The following ITGA9 variants were observed in gnomAD, a reference collection of about 807,000 sequenced individuals.
ITGA9 encodes integrin alpha-9.
A neutral mutation model predicts 127.8 loss-of-function variants in ITGA9; 56 were observed. The observed-to-expected ratio is 0.44, with a 90% CI of 0.35 to 0.55. The LOEUF (loss-of-function observed/expected upper bound fraction) is 0.55. Among genes scored for constraint, ITGA9 ranks in the 20% least tolerant of loss-of-function variants. The pLI is 0.00. For synonymous variants in ITGA9, 508 were observed against 514.5 expected (o/e 0.99, Z 0.17); for missense variants, 1,196 against 1,347.1 (o/e 0.89, Z 1.76).
chr3:37,481,933 C>G (rs1698560182), intron 4 of ITGA9, among the ~76,000 whole-genome samples: 2 of 152,200 alleles, frequency 1.3e-5, no homozygotes, highest in African/African-American at 4.8e-5. Context: ...CCTTGGTTTT[C>G]TGGTAATGCC....
Position 37,503,333 on chromosome 3 carries a change from A to T in ITGA9, c.742+26A>T, listed in dbSNP as rs768469283. On this transcript the variant is annotated intron_variant, in intron 6 of 27. Coordinates refer to ENST00000264741, the MANE Select transcript of ITGA9 (RefSeq NM_002207.3). ...GTGAGTACTCAGGGAGAGAACAGGT[A>T]AGAAAGGGGAAATGGGAGTGATTCC... 20 of 1,612,690 alleles carry T rather than the reference A, an allele frequency of 1.2e-5. No individual in the cohort carries two copies. In the South Asian group the frequency reaches 2.2e-4, roughly 18 times the overall value.
intron 1 of ITGA9, among the ~76,000 whole-genome samples, chr3:37,458,769 A>G (rs1255277054): frequency 1.3e-5 from 2 of 152,202 alleles, no homozygotes; most frequent in African/African-American, 4.8e-5. Context: ...GACTGACAGT[A>G]GGGCCATTGG....
chr3:37,780,091 T>C, intron 25 of ITGA9, 70 bp downstream of exon 25: 1 of 1,583,746 alleles, frequency 6.3e-7, no homozygotes, highest in Non-Finnish European at 8.6e-7. Context: ...TGATTTTGGG[T>C]AAAAAAAAGG....
intron 17 of ITGA9, among the ~76,000 whole-genome samples, chr3:37,676,887 T>G (rs549567307): frequency 6.6e-6 from 1 of 152,324 alleles, no homozygotes; most frequent in Non-Finnish European, 1.5e-5. Flanking sequence ...CTGATCATGT[T>G]TATTTTTCTC....
chr3:37,553,584 A>C (rs957422386), intron 15 of ITGA9, among the ~76,000 whole-genome samples: 1 of 152,030 alleles, frequency 6.6e-6, no homozygotes, highest in African/African-American at 2.4e-5. Flanking sequence ...TGTATTTTTA[A>C]CTCCTCCTTT....
intron 18 of ITGA9, among the ~76,000 whole-genome samples, chr3:37,695,864 C>T (rs1186483771): frequency 6.6e-6 from 1 of 152,226 alleles, no homozygotes; most frequent in East Asian, 1.9e-4. Context: ...ATGGGCATTT[C>T]AGGGCTAGTA....
intron 1 of ITGA9, among the ~76,000 whole-genome samples, chr3:37,470,037 T>A (rs1301127415): frequency 2.0e-5 from 3 of 152,154 alleles, no homozygotes; most frequent in Non-Finnish European, 4.4e-5. Flanking sequence ...GCTCAGGCAG[T>A]CTGCCCACCT....
At chr3:37,689,204 A>G (rs1464351355) in intron 18 of ITGA9, among the ~76,000 whole-genome samples, 1 of 152,236 alleles carries the variant, frequency 6.6e-6, no homozygotes. Context: ...ACTGAATACA[A>G]AATATCCCCT....
intron 1 of ITGA9, among the ~76,000 whole-genome samples, chr3:37,453,876 C>T (rs1333361722): frequency 6.6e-6 from 1 of 152,222 alleles, no homozygotes; most frequent in Non-Finnish European, 1.5e-5. Context: ...TCAAAGCCCT[C>T]ACATAGCTCT....
chr3:37,737,624 G>T (rs1190608683), intron 20 of ITGA9, among the ~76,000 whole-genome samples: 1 of 152,210 alleles, frequency 6.6e-6, no homozygotes, highest in African/African-American at 2.4e-5. Context: ...GGCAGATCCA[G>T]CATGCCTTGA....
chr3:37,782,902 G>A (rs768693329), intron 25 of ITGA9, among the ~76,000 whole-genome samples: 1 of 152,208 alleles, frequency 6.6e-6, no homozygotes, highest in Admixed American at 6.5e-5. Context: ...CACTTTGGGA[G>A]GCTGAGGTGG....
chr3:37,603,886 T>C (rs540798844), intron 15 of ITGA9, among the ~76,000 whole-genome samples: 25 of 152,334 alleles, frequency 1.6e-4, no homozygotes, highest in African/African-American at 6.0e-4. Flanking sequence ...TTTTGTCTTG[T>C]TGGGCTGGGG....
At chr3:37,702,588 A>G (rs962524096) in intron 18 of ITGA9, among the ~76,000 whole-genome samples, 3 of 150,884 alleles carry the variant, frequency 2.0e-5, no homozygotes, top group Non-Finnish European at 3.0e-5. Flanking sequence ...CTCTAAAGGG[A>G]AAAAAAAATG....
At chr3:37,693,804 A>G (rs995353104) in intron 18 of ITGA9, among the ~76,000 whole-genome samples, 1 of 152,192 alleles carries the variant, frequency 6.6e-6, no homozygotes, top group Non-Finnish European at 1.5e-5. Flanking sequence ...CAGTGCTGGG[A>G]CAGATTACAG....
At position 37,736,989 on chromosome 3, in the gene ITGA9, G is replaced by C. The variant is rs112785572; in HGVS notation, c.2234+6G>C. ...TTCATTGTTACTGCTCAGAGGTAAG[G>C]GGGGGGTTTAAACACTTTTTTCAAA... is the stretch of plus-strand genomic sequence containing the variant. On this transcript the variant is annotated splice_donor_region_variant and intron_variant, in intron 20 of 27. Transcript: ENST00000264741. 6.3e-6 allele frequency: 10 copies of C among 1,593,014 alleles called. No individual in the cohort carries two copies. The highest frequency in any genetic ancestry group is 3.3e-5 in the Admixed American group (2 of 59,986).
chr3:37,810,098 C>A (rs1346878279), intron 27 of ITGA9, among the ~76,000 whole-genome samples: 3 of 152,200 alleles, frequency 2.0e-5, no homozygotes, highest in Admixed American at 6.5e-5. Context: ...CTTTACAGAA[C>A]CGTGGCTCTT....
At chr3:37,659,486 T>G in intron 17 of ITGA9, among the ~76,000 whole-genome samples, 1 of 152,002 alleles carries the variant, frequency 6.6e-6, no homozygotes, top group East Asian at 1.9e-4. Context: ...TTGATACTTG[T>G]GTATGCTTCA....
Position 37,471,032 on chromosome 3 carries a change from G to A in ITGA9, c.211G>A (p.Asp71Asn). Reference sequence around the variant, plus strand: ...GGTCCTTGTGGGCGCACCAAAGGCAGATTCCAAATACAGCCCTTCAGTGAA... The same window carrying A: ...GGTCCTTGTGGGCGCACCAAAGGCAAATTCCAAATACAGCCCTTCAGTGAA... Reference protein sequence around the residue: ...RWVLVGAPKADSKYSPSVKSP... With the variant: ...RWVLVGAPKANSKYSPSVKSP... The change falls in exon 2 of 28, where the codon GAT (aspartate) becomes AAT (asparagine). Residue 71 changes from aspartate to asparagine, a missense_variant. Transcript: ENST00000264741. The A allele has an allele frequency of 1.2e-6, 2 of 1,614,156 alleles. No homozygotes were observed. Among genetic ancestry groups the A allele is most frequent in the South Asian group, 1.1e-5 (1 of 91,082 alleles).
chr3:37,532,901 G>A (rs569535246), intron 13 of ITGA9, among the ~76,000 whole-genome samples: 1 of 152,302 alleles, frequency 6.6e-6, no homozygotes, highest in East Asian at 1.9e-4. Flanking sequence ...AATGCTTGAG[G>A]GAATCCCTGA....
Sources: allele counts gnomAD v4.1 joint callset (sites outside exome capture counted in the v4.1 genomes callset), GRCh38; gene constraint gnomAD v4.1.1; transcripts MANE v1.5; gene names NCBI Gene and HGNC (gene_info 2026-07-23, HGNC 2026-07-21).